The following OTULINL variants were observed in gnomAD, a reference collection of about 807,000 sequenced individuals.
The protein encoded by OTULINL is inactive ubiquitin thioesterase OTULINL.
OTULINL carries 42 observed loss-of-function variants against 43.9 expected under a neutral mutation model. That is an observed-to-expected ratio of 0.96 (90% confidence interval 0.75 to 1.24). The LOEUF is 1.24. OTULINL is among the 50% of genes most tolerant of loss of function. The pLI, the probability that OTULINL is intolerant of heterozygous loss-of-function variation, is 0.00. For synonymous variants in OTULINL, 172 were observed against 153.6 expected (o/e 1.12, Z -0.88); for missense variants, 411 against 426.4 (o/e 0.96, Z 0.32).
chr5:14,601,008 C>T lies in OTULINL; in HGVS notation c.108C>T (p.Ala36=). 2 of 1,605,886 alleles carry T rather than the reference C, an allele frequency of 1.2e-6. No homozygotes were observed. The highest frequency in any genetic ancestry group is 1.7e-6 in the Non-Finnish European group (2 of 1,177,524). ...VHSWMLATSQ[A]LDTVWRMAKG... is the part of the protein sequence containing the mutation. ...CCTGGATGCTAGCTACAAGCCAAGC[C>T]TTAGACACTGTCTGGAGAATGGCAA... Residue 36 remains alanine, a synonymous_variant, in exon 2 of 8, where the codon GCC becomes GCT. Coordinates refer to ENST00000274217, the MANE Select transcript of OTULINL (RefSeq NM_019018.3).
chr5:14,601,156 T>G, intron 2 of OTULINL, 32 bp downstream of exon 2: 1 of 1,611,500 alleles, frequency 6.2e-7, no homozygotes, highest in South Asian at 1.1e-5. Context: ...AAATTTCAAA[T>G]GTATCTTTAC....
At chr5:14,592,765 G>A (rs1208570358) in intron 1 of OTULINL, among the ~76,000 whole-genome samples, 1 of 152,186 alleles carries the variant, frequency 6.6e-6, no homozygotes, top group East Asian at 1.9e-4. Context: ...AGATTCCAGG[G>A]TGGTTACAGA....
Position 14,581,829 on chromosome 5 carries a change from G to A in OTULINL, c.-66G>A, listed in dbSNP as rs1759002173. 3.2e-6 allele frequency: 4 copies of A among 1,259,132 alleles called. No individual in the cohort carries two copies. Among genetic ancestry groups the A allele is most frequent in the East Asian group, 3.3e-5 (1 of 30,050 alleles). 78.0% of individuals were successfully genotyped at this position (1,259,132 alleles called of 1,614,324 possible). On this transcript the variant is annotated 5_prime_UTR_variant, in exon 1 of 8. Transcript: ENST00000274217. The stretch of plus-strand genomic sequence containing the variant: ...CGAGCCCGGGCGCCGGCGGGCGGCC[G>A]TCGCGTCTGACAGACCACTGCAGAC...
rs758105425 is a variant in OTULINL, at chr5:14,609,013, A to G, written c.893A>G (p.Glu298Gly). ...LNSVGDTCGL[E>G]QIDMFILGYS... is the part of the protein sequence containing the mutation. ...TCTGTAGGCGACACATGTGGACTAG[A>G]GCAGGTAACCGGGGAGGAAGAACTG... Residue 298 changes from glutamate (E) to glycine (G), a missense_variant, in exon 7 of 8, where the codon GAG becomes GGG. Transcript: ENST00000274217. The G allele has an allele frequency of 4.4e-6, 7 of 1,605,298 alleles. No homozygotes were observed. The highest frequency in any genetic ancestry group is 4.3e-6 in the Non-Finnish European group (5 of 1,174,082).
intron 7 of OTULINL, among the ~76,000 whole-genome samples, chr5:14,609,876 C>T (rs1328292276): frequency 1.3e-5 from 2 of 152,176 alleles, no homozygotes; most frequent in Non-Finnish European, 2.9e-5. Context: ...CCTCGGCCTC[C>T]CAAAGTGCTG....
In OTULINL at chr5:14,589,709, G is replaced by A. The variant is rs528019246; in HGVS notation, c.64+7751G>A. On this transcript the variant is annotated intron_variant, in intron 1 of 7. Transcript: ENST00000274217. ...CTCATGCCTGTCATCCCAGCACTTT[G>A]GGAGGCCGAGGTGGGTGGATCACTT... Among the ~76,000 whole-genome samples the A allele has an allele frequency of 2.0e-5, 3 of 152,298 alleles. No individual in the cohort carries two copies. In the East Asian group the frequency reaches 5.8e-4, roughly 29 times the overall value.
Position 14,610,213 on chromosome 5 carries a change from A to G in OTULINL, c.970A>G (p.Arg324Gly), listed in dbSNP as rs751178272. 17 of 1,614,114 alleles carry G rather than the reference A, an allele frequency of 1.1e-5. No individual in the cohort carries two copies. Among genetic ancestry groups the G allele is most frequent in the South Asian group, 5.5e-5 (5 of 91,086 alleles). ...KVFRLFKFNS[R>G]DFEVCYPEEP... ...GTTCAGACTGTTCAAGTTTAACTCC[A>G]GAGACTTTGAAGTCTGCTACCCAGA... The change falls in exon 8 of 8, where the codon AGA becomes GGA. Residue 324 changes from arginine to glycine, a missense_variant. Arg to Gly is a moderately radical substitution (Grantham distance 125). Transcript: ENST00000274217.
intron 1 of OTULINL, among the ~76,000 whole-genome samples, chr5:14,582,891 C>G (rs1759039029): frequency 6.6e-6 from 1 of 151,014 alleles, no homozygotes; most frequent in Non-Finnish European, 1.5e-5. Flanking sequence ...GGTGCTGGGT[C>G]TCGACGTCTC....
chr5:14,609,200 G>T (rs1363668513), intron 7 of OTULINL, among the ~76,000 whole-genome samples, 183 bp downstream of exon 7: 1 of 152,198 alleles, frequency 6.6e-6, no homozygotes, highest in Non-Finnish European at 1.5e-5. Flanking sequence ...TGTGCTGGCT[G>T]CTTTGTGTCT....
chr5:14,590,895 A>G (rs7718540), intron 1 of OTULINL, among the ~76,000 whole-genome samples: 20,927 of 152,204 alleles, frequency 0.14, 1,683 homozygotes, highest in East Asian at 0.32. Context: ...GAGAAAAGCC[A>G]TGGAAAGAGT....
intron 1 of OTULINL, among the ~76,000 whole-genome samples, chr5:14,585,032 G>A (rs764746193): frequency 2.0e-5 from 3 of 152,234 alleles, no homozygotes; most frequent in Non-Finnish European, 4.4e-5. Flanking sequence ...AAGTGTGGGC[G>A]CAAACATTCC....
At chr5:14,607,096 G>A (rs1335179251) in intron 5 of OTULINL, among the ~76,000 whole-genome samples, 6 of 152,106 alleles carry the variant, frequency 3.9e-5, no homozygotes, top group Non-Finnish European at 7.4e-5. Flanking sequence ...TGGGCGTGGT[G>A]GCTCATGCCT....
intron 5 of OTULINL, among the ~76,000 whole-genome samples, chr5:14,603,666 GT>G (rs147559808): frequency 9.3e-4 from 141 of 150,970 alleles, no homozygotes; most frequent in African/African-American, 3.2e-3. Context: ...CATTTTTTAT[GT>G]TTTTTTTTAA....
intron 1 of OTULINL, among the ~76,000 whole-genome samples, chr5:14,595,526 A>G (rs975401377): frequency 2.8e-5 from 4 of 143,112 alleles, no homozygotes; most frequent in Non-Finnish European, 4.5e-5. Context: ...GTTTTGGGGT[A>G]TGTGTGTGTG....
At chr5:14,596,735 A>G (rs1360219334) in intron 1 of OTULINL, among the ~76,000 whole-genome samples, 1 of 152,166 alleles carries the variant, frequency 6.6e-6, no homozygotes, top group Non-Finnish European at 1.5e-5. Context: ...TAAGGAAAAC[A>G]AGTTTATTCC....
At chr5:14,582,424 C>A (rs1008703896) in intron 1 of OTULINL, among the ~76,000 whole-genome samples, 2 of 152,050 alleles carry the variant, frequency 1.3e-5, no homozygotes, top group African/African-American at 4.8e-5. Flanking sequence ...TCGCGCCCTG[C>A]TGGCAGAGGA....
intron 1 of OTULINL, among the ~76,000 whole-genome samples, chr5:14,591,167 C>T (rs1759194948): frequency 6.6e-6 from 1 of 152,142 alleles, no homozygotes; most frequent in Non-Finnish European, 1.5e-5. Flanking sequence ...AGCAGTGAGC[C>T]AAATCAGTAA....
intron 5 of OTULINL, among the ~76,000 whole-genome samples, chr5:14,602,818 A>T (rs868429665): frequency 6.6e-6 from 1 of 152,182 alleles, no homozygotes; most frequent in Non-Finnish European, 1.5e-5. Context: ...GATAGTCATT[A>T]TCTGTGTTTG....
intron 5 of OTULINL, among the ~76,000 whole-genome samples, chr5:14,603,164 T>C (rs1355020912): frequency 6.6e-6 from 1 of 152,244 alleles, no homozygotes; most frequent in Non-Finnish European, 1.5e-5. Flanking sequence ...ATTTCATCCT[T>C]TTTTATTGTT....
Sources: allele counts gnomAD v4.1 joint callset (sites outside exome capture counted in the v4.1 genomes callset), GRCh38; gene constraint gnomAD v4.1.1; transcripts MANE v1.5; gene names NCBI Gene and HGNC (gene_info 2026-07-23, HGNC 2026-07-21).